Variants in ANO5 observed in about 807,000 individuals in gnomAD.
ANO5 encodes the protein anoctamin-5.
In ANO5, 109 loss-of-function variants were observed where a neutral mutation model predicts 121.0. The ratio of observed to expected loss-of-function variants is 0.90; its 90% CI spans 0.77 to 1.06. ANO5 has a LOEUF of 1.06. ANO5 is among the 50% of genes least tolerant of loss of function. The probability of loss-of-function intolerance (pLI) is 0.00; values close to 1 mark genes in which losing one functional copy is unlikely to be tolerated. For synonymous variants in ANO5, 406 were observed against 359.9 expected (o/e 1.13, Z -1.45); for missense variants, 1,064 against 1,078.5 (o/e 0.99, Z 0.19).
rs181159045 is a variant in ANO5, at chr11:22,258,797, C to T, written c.1408-722C>T. Among the ~76,000 whole-genome samples the T allele has an allele frequency of 2.0e-5, 3 of 152,246 alleles. No homozygotes were observed. The East Asian group carries it at 5.8e-4, about 29-fold the overall frequency. ...TTTTGGCTTTGTGGCCACATATAGT[C>T]TCTGGAACATAATTGCCTTTATTTT... On this transcript the variant is annotated intron_variant, in intron 14 of 21. Coordinates refer to ENST00000324559, the MANE Select transcript of ANO5 (RefSeq NM_213599.3).
chr11:22,279,867 T>G lies in ANO5; in HGVS notation c.*102T>G. ...CCATGTGTCAATTTTACCCTTTCTT[T>G]TTTTTTTTTTTCTTTTTTTTTTTAA... On this transcript the variant is annotated 3_prime_UTR_variant, in exon 22 of 22. Transcript: ENST00000324559. 1.8e-6 allele frequency: 1 copy of G among 555,258 alleles called. No homozygotes were observed. The allele number at this position is 555,258 out of a possible 1,614,324, so 34.4% of individuals were successfully genotyped here. A position where few individuals can be genotyped will look rare whatever the true frequency, so the allele number is the denominator to read the frequency against.
chr11:22,200,500 A>G (rs1301061644), intron 1 of ANO5, among the ~76,000 whole-genome samples: 1 of 152,194 alleles, frequency 6.6e-6, no homozygotes, highest in Non-Finnish European at 1.5e-5. Flanking sequence ...TTCAGGGTCA[A>G]GATTTTATAA....
intron 13 of ANO5, among the ~76,000 whole-genome samples, chr11:22,256,928 C>T (rs1264010222): frequency 6.6e-6 from 1 of 152,152 alleles, no homozygotes; most frequent in Non-Finnish European, 1.5e-5. Flanking sequence ...TGCCTACATG[C>T]ACACACATTC....
Position 22,270,578 on chromosome 11 carries a change from G to GGGATA in ANO5, c.2029+137_2029+141dup. ...CTGGTTGGCAAAAAAGATGAGTGGA[G>GGGATA]GGATATAAAGAAAATTTGTTCCCTA... On this transcript the variant is annotated intron_variant, in intron 18 of 21. Coordinates refer to ENST00000324559, the MANE Select transcript of ANO5 (RefSeq NM_213599.3). 3.1e-6 allele frequency: 4 copies of GGGATA among 1,278,922 alleles called. 1 individual carries two copies. In the South Asian group the frequency reaches 5.3e-5, roughly 17 times the overall value. 79.2% of individuals were successfully genotyped at this position (1,278,922 alleles called of 1,614,324 possible).
chr11:22,210,233 T>G (rs1852235387), intron 2 of ANO5, among the ~76,000 whole-genome samples: 1 of 151,984 alleles, frequency 6.6e-6, no homozygotes, highest in African/African-American at 2.4e-5. Flanking sequence ...ATCTTGTAAT[T>G]TATATTAAAT....
chr11:22,274,819 T>C, intron 20 of ANO5, 72 bp downstream of exon 20: 1 of 1,533,230 alleles, frequency 6.5e-7, no homozygotes, highest in Non-Finnish European at 8.9e-7. Context: ...ATCTATTACC[T>C]TTCTGTCTTA....
At chr11:22,258,730 G>T (rs1210301766) in intron 14 of ANO5, among the ~76,000 whole-genome samples, 1 of 152,196 alleles carries the variant, frequency 6.6e-6, no homozygotes, top group Non-Finnish European at 1.5e-5. Context: ...TCAATGTAGA[G>T]CATGAGTCAG....
chr11:22,196,058 T>C (rs1851801138), intron 1 of ANO5, among the ~76,000 whole-genome samples: 1 of 152,228 alleles, frequency 6.6e-6, no homozygotes, highest in South Asian at 2.1e-4. Flanking sequence ...TTACTGCCCA[T>C]TATTGAGACC....
intron 13 of ANO5, among the ~76,000 whole-genome samples, chr11:22,257,087 GTTTGT>G (rs1854026728): frequency 4.0e-5 from 6 of 151,134 alleles, no homozygotes; most frequent in Non-Finnish European, 7.4e-5. Context: ...TTTTTTGTTT[GTTTGT>G]TTTGTTTTGT....
chr11:22,260,766 G>A (rs1209175639), intron 15 of ANO5, among the ~76,000 whole-genome samples: 1 of 152,110 alleles, frequency 6.6e-6, no homozygotes, highest in Non-Finnish European at 1.5e-5. Context: ...TCATGATTTG[G>A]CTGGATCAGC....
At position 22,279,785 on chromosome 11, in the gene ANO5, G is replaced by A. The variant is rs1564956931; in HGVS notation, c.*20G>A. On this transcript the variant is annotated 3_prime_UTR_variant, in exon 22 of 22. Transcript: ENST00000324559. ...CTCTAATCAGTATAGTGAGGAAGCAGCAGGTGATCTGCCTTACTTCACTTT... is the reference window on the plus strand; with the variant it reads ...CTCTAATCAGTATAGTGAGGAAGCAACAGGTGATCTGCCTTACTTCACTTT... 4 of 1,594,670 alleles carry A rather than the reference G, an allele frequency of 2.5e-6. No homozygotes were observed. The Admixed American group carries it at 5.0e-5, about 20-fold the overall frequency.
intron 2 of ANO5, among the ~76,000 whole-genome samples, chr11:22,205,693 A>G (rs1247320696): frequency 6.6e-6 from 1 of 152,168 alleles, no homozygotes; most frequent in Non-Finnish European, 1.5e-5. Context: ...CTGTGGAAAG[A>G]TACATAAAAT....
intron 16 of ANO5, among the ~76,000 whole-genome samples, chr11:22,262,711 T>C (rs1318648062): frequency 1.3e-5 from 2 of 152,158 alleles, no homozygotes; most frequent in African/African-American, 2.4e-5. Flanking sequence ...CTCAGAATTT[T>C]CTAAGAATGA....
intron 3 of ANO5, among the ~76,000 whole-genome samples, chr11:22,213,031 AC>A (rs1261910798): frequency 2.0e-5 from 3 of 151,204 alleles, no homozygotes; most frequent in Admixed American, 2.0e-4. Context: ...TAAACAGTAG[AC>A]TTCTTTTTAA....
At chr11:22,211,356 A>G (rs746529085) in intron 3 of ANO5, 42 bp downstream of exon 3, 4 of 1,582,480 alleles carry the variant, frequency 2.5e-6, no homozygotes, top group East Asian at 4.5e-5. Flanking sequence ...ATGGACACAA[A>G]TGGGGCATCT....
At chr11:22,211,591 G>A (rs138858768) in intron 3 of ANO5, among the ~76,000 whole-genome samples, 24 of 151,946 alleles carry the variant, frequency 1.6e-4, no homozygotes, top group African/African-American at 5.1e-4. Flanking sequence ...GTAATGACTT[G>A]ACCAAAGTTA....
In ANO5 at chr11:22,211,256, A is replaced by G. The variant is rs1306192601; in HGVS notation, c.88-8A>G. On this transcript the variant is annotated splice_polypyrimidine_tract_variant and splice_region_variant and intron_variant, in intron 2 of 21. Transcript: ENST00000324559. ...TAATAGCATTATATCTTCCCCTGGT[A>G]CTGTTAGCAGAGCCTGAGCAGCAGA... 1.2e-6 allele frequency: 2 copies of G among 1,611,794 alleles called. No homozygotes were observed. Among genetic ancestry groups the G allele is most frequent in the Admixed American group, 1.7e-5 (1 of 59,818 alleles).
intron 12 of ANO5, among the ~76,000 whole-genome samples, chr11:22,252,029 CAAAAAA>C (rs10525160): frequency 2.2e-5 from 1 of 45,856 alleles, no homozygotes; most frequent in Non-Finnish European, 4.1e-5. Context: ...GACGCCGTCT[CAAAAAA>C]AAAAAAAAAA....
chr11:22,234,161 G>T (rs1348980623), intron 7 of ANO5, among the ~76,000 whole-genome samples: 3 of 152,106 alleles, frequency 2.0e-5, no homozygotes, highest in Non-Finnish European at 4.4e-5. Context: ...TCAGAATGGG[G>T]AAAGCTGAAC....
Sources: allele counts gnomAD v4.1 joint callset (sites outside exome capture counted in the v4.1 genomes callset), GRCh38; gene constraint gnomAD v4.1.1; transcripts MANE v1.5; gene names NCBI Gene and HGNC (gene_info 2026-07-23, HGNC 2026-07-21).